Variants in NALF1 observed in about 807,000 individuals in gnomAD.
NALF1 encodes NALCN channel auxiliary factor 1.
A neutral mutation model predicts 48.4 loss-of-function variants in NALF1; 3 were observed. That is an observed-to-expected ratio of 0.06 (90% CI 0.03 to 0.16). The LOEUF is 0.16. NALF1 is among the 10% of genes least tolerant of loss of function. NALF1 has a pLI of 1.00. For missense variants in NALF1, 526 were observed against 571.5 expected (o/e 0.92, Z 0.81); for synonymous variants, 262 against 245.7 (o/e 1.07, Z -0.62).
chr13:107,771,248 T>TTGTGTGTGTGTGTGTG (rs147526327), intron 1 of NALF1, among the ~76,000 whole-genome samples: 6,488 of 150,994 alleles, frequency 0.043, 540 homozygotes, highest in East Asian at 0.41. Context: ...TTTTAACATG[T>TTGTGTGTGTGTGTGTG]TGTGTGTGTG....
chr13:107,695,313 T>A (rs137915940), intron 1 of NALF1, among the ~76,000 whole-genome samples: 347 of 152,308 alleles, frequency 2.3e-3, no homozygotes, highest in African/African-American at 8.0e-3. Context: ...ACTTTAGATG[T>A]GTAAAGTAGA....
chr13:107,843,691 G>A (rs947491166), intron 1 of NALF1, among the ~76,000 whole-genome samples: 1 of 152,072 alleles, frequency 6.6e-6, no homozygotes, highest in African/African-American at 2.4e-5. Context: ...AACTTCTGAA[G>A]TGCACATGGA....
intron 1 of NALF1, among the ~76,000 whole-genome samples, chr13:107,316,598 T>A (rs1005089053): frequency 6.6e-5 from 10 of 152,196 alleles, no homozygotes; most frequent in African/African-American, 2.2e-4. Flanking sequence ...TTCTAACTGG[T>A]GTGAGATGGT....
chr13:107,470,370 C>CA (rs1461588043), intron 1 of NALF1, among the ~76,000 whole-genome samples: 2 of 152,176 alleles, frequency 1.3e-5, no homozygotes, highest in Admixed American at 1.3e-4. Context: ...ACATAAGTCT[C>CA]ATCTATGCAT....
chr13:107,256,457 A>G (rs990545871), intron 1 of NALF1, among the ~76,000 whole-genome samples: 1 of 152,248 alleles, frequency 6.6e-6, no homozygotes, highest in Non-Finnish European at 1.5e-5. Flanking sequence ...GAAAATGTCA[A>G]TAAACCACAT....
rs1258340519 is a variant in NALF1, at chr13:107,867,423, C to T, written c.-827G>A. ...CCGGGCCGAATCGCCTGGGCTGGGCCTCCCGAGAGCCACAGTCATCTTCAG... is the reference window on the plus strand; with the variant it reads ...CCGGGCCGAATCGCCTGGGCTGGGCTTCCCGAGAGCCACAGTCATCTTCAG... On this transcript the variant is annotated 5_prime_UTR_variant, in exon 1 of 3. Transcript: ENST00000375915. The surrounding 1 kb of genome is among the most constrained non-coding windows in gnomAD (Gnocchi z 4.4). Among the ~76,000 whole-genome samples, 1 of 149,156 alleles carries T rather than the reference C, an allele frequency of 6.7e-6. No individual in the cohort carries two copies. Among genetic ancestry groups the T allele is most frequent in the Non-Finnish European group, 1.5e-5 (1 of 67,042 alleles).
intron 1 of NALF1, among the ~76,000 whole-genome samples, chr13:107,642,653 C>G (rs1880190652): frequency 6.6e-6 from 1 of 152,088 alleles, no homozygotes; most frequent in Non-Finnish European, 1.5e-5. Flanking sequence ...AGGACAGACA[C>G]CAGCACATCA....
chr13:107,360,484 T>C (rs75746989), intron 1 of NALF1, among the ~76,000 whole-genome samples: 5,859 of 152,232 alleles, frequency 0.038, 250 homozygotes, highest in African/African-American at 0.1. Flanking sequence ...CCAATATCTT[T>C]TTAATTATGA....
intron 2 of NALF1, among the ~76,000 whole-genome samples, chr13:107,196,266 A>ACTT (rs2138789346): frequency 6.6e-6 from 1 of 152,322 alleles, no homozygotes; most frequent in South Asian, 2.1e-4. Context: ...CTTTACCTAT[A>ACTT]TAACAAACCC....
At chr13:107,236,697 C>A (rs1020771986) in intron 1 of NALF1, among the ~76,000 whole-genome samples, 9 of 148,980 alleles carry the variant, frequency 6.0e-5, no homozygotes, top group Non-Finnish European at 8.8e-5. Flanking sequence ...ATCTATCTAT[C>A]TATCTATCTA....
intron 1 of NALF1, among the ~76,000 whole-genome samples, chr13:107,779,223 ATAAAATTAATTC>A (rs1877820147): frequency 6.6e-6 from 1 of 152,228 alleles, no homozygotes; most frequent in South Asian, 2.1e-4. Flanking sequence ...CTGCATTCTT[ATAAAATTAATTC>A]TAATATCCTA....
At chr13:107,799,432 A>T (rs1340405602) in intron 1 of NALF1, among the ~76,000 whole-genome samples, 1 of 152,204 alleles carries the variant, frequency 6.6e-6, no homozygotes, top group Non-Finnish European at 1.5e-5. Context: ...ATATACACTC[A>T]GTAAACACCA....
chr13:107,484,451 G>T (rs1163774775), intron 1 of NALF1, among the ~76,000 whole-genome samples: 1 of 152,052 alleles, frequency 6.6e-6, no homozygotes, highest in Non-Finnish European at 1.5e-5. Context: ...AACCAGTTTG[G>T]CAGGGGAAGA....
chr13:107,624,782 T>C (rs1193995386), intron 1 of NALF1, among the ~76,000 whole-genome samples: 2 of 152,210 alleles, frequency 1.3e-5, no homozygotes, highest in African/African-American at 4.8e-5. Flanking sequence ...CTTCCACTGC[T>C]TTCTCAGCAA....
At chr13:107,295,148 C>A (rs1881701662) in intron 1 of NALF1, among the ~76,000 whole-genome samples, 1 of 152,124 alleles carries the variant, frequency 6.6e-6, no homozygotes, top group Admixed American at 6.5e-5. Flanking sequence ...GTCCCCTTCC[C>A]CACTCTTGTA....
At chr13:107,546,289 A>G (rs1877134756) in intron 1 of NALF1, among the ~76,000 whole-genome samples, 2 of 152,234 alleles carry the variant, frequency 1.3e-5, no homozygotes, top group Non-Finnish European at 1.5e-5. Context: ...CACCTACTGC[A>G]TTTGTCCTCA....
intron 1 of NALF1, among the ~76,000 whole-genome samples, chr13:107,677,071 G>C (rs1327025238): frequency 6.6e-6 from 1 of 152,192 alleles, no homozygotes; most frequent in East Asian, 1.9e-4. Context: ...TTATGAGACA[G>C]AGTCTCGCTC....
chr13:107,499,785 T>C (rs771058054), intron 1 of NALF1, among the ~76,000 whole-genome samples: 7 of 152,214 alleles, frequency 4.6e-5, no homozygotes, highest in African/African-American at 9.6e-5. Context: ...ATTTCTTTTA[T>C]GAGTACGTAT....
At chr13:107,256,285 C>T (rs558054056) in intron 1 of NALF1, among the ~76,000 whole-genome samples, 1 of 152,336 alleles carries the variant, frequency 6.6e-6, no homozygotes, top group African/African-American at 2.4e-5. Flanking sequence ...TACATAACAG[C>T]ACGCTGCTGT....
Sources: gnomAD v4.1 joint callset for allele counts (sites outside exome capture counted in the v4.1 genomes callset) on GRCh38, gnomAD v4.1.1 for gene constraint, Gnocchi (gnomAD v3.1) non-coding constraint, MANE v1.5 for transcripts, NCBI Gene and HGNC (gene_info 2026-07-23, HGNC 2026-07-21) for gene names.